CTNNA3: variants seen among roughly 807,000 people sequenced by gnomAD.
CTNNA3 encodes the protein catenin alpha-3.
Under a neutral mutation model 95.7 loss-of-function variants are expected in CTNNA3, and 76 were observed. The ratio of observed to expected loss-of-function variants is 0.79; its 90% CI spans 0.66 to 0.96. The LOEUF is 0.96. Among genes scored for constraint, CTNNA3 ranks in the 40% least tolerant of loss-of-function variants. The pLI is 0.00. For missense variants in CTNNA3, 1,191 were observed against 1,089.8 expected, an observed-to-expected ratio of 1.09 and a Z score of -1.31; for synonymous variants, 431 against 374.4, an observed-to-expected ratio of 1.15 and a Z score of -1.74.
chr10:66,960,421 C>A (rs1849048614), intron 7 of CTNNA3, among the ~76,000 whole-genome samples: 1 of 152,098 alleles, frequency 6.6e-6, no homozygotes, highest in Non-Finnish European at 1.5e-5. Context: ...TTGAATTTTT[C>A]AATTTGCCTC....
chr10:67,096,472 T>C (rs1858001195), intron 7 of CTNNA3, among the ~76,000 whole-genome samples: 1 of 151,922 alleles, frequency 6.6e-6, no homozygotes, highest in Admixed American at 6.6e-5. Context: ...CAAACAAATA[T>C]ACATTCTATC....
intron 15 of CTNNA3, among the ~76,000 whole-genome samples, chr10:66,009,802 G>C (rs192929090): frequency 6.6e-6 from 1 of 152,300 alleles, no homozygotes; most frequent in Admixed American, 6.5e-5. Context: ...CATGGTCCAT[G>C]GCTGACTCAT....
chr10:66,967,603 G>A (rs1223963947), intron 7 of CTNNA3, among the ~76,000 whole-genome samples: 1 of 151,916 alleles, frequency 6.6e-6, no homozygotes, highest in Non-Finnish European at 1.5e-5. Context: ...GCGGGACTAT[G>A]TAAAACAGTC....
At chr10:67,544,006 T>C (rs544986387) in intron 3 of CTNNA3, among the ~76,000 whole-genome samples, 3 of 152,100 alleles carry the variant, frequency 2.0e-5, no homozygotes, top group African/African-American at 7.2e-5. Context: ...GGAGCAAACA[T>C]GTTTTGTATG....
chr10:66,380,384 A>G (rs2092828004), intron 11 of CTNNA3, among the ~76,000 whole-genome samples: 1 of 152,074 alleles, frequency 6.6e-6, no homozygotes, highest in South Asian at 2.1e-4. Flanking sequence ...CCTAGGAAGG[A>G]GGATGACTTG....
chr10:67,755,032 T>C (rs1235632517), intron 1 of CTNNA3, among the ~76,000 whole-genome samples: 1 of 151,904 alleles, frequency 6.6e-6, no homozygotes, highest in Non-Finnish European at 1.5e-5. Context: ...ACCTTATCTC[T>C]ACAAAACAAA....
At chr10:67,037,001 C>T (rs890020816) in intron 7 of CTNNA3, among the ~76,000 whole-genome samples, 5 of 152,058 alleles carry the variant, frequency 3.3e-5, no homozygotes, top group Admixed American at 6.6e-5. Context: ...GAGATGCAGG[C>T]GATCTAGTCA....
At chr10:67,356,994 T>C (rs1343736307) in intron 5 of CTNNA3, among the ~76,000 whole-genome samples, 1 of 152,114 alleles carries the variant, frequency 6.6e-6, no homozygotes, top group Non-Finnish European at 1.5e-5. Context: ...CTGCAGTCAA[T>C]TCATTCTCCT....
At chr10:66,935,968 A>G (rs1187967972) in intron 7 of CTNNA3, among the ~76,000 whole-genome samples, 1 of 152,100 alleles carries the variant, frequency 6.6e-6, no homozygotes, top group African/African-American at 2.4e-5. Flanking sequence ...ATAATTTCCG[A>G]TGATTTACCA....
intron 10 of CTNNA3, among the ~76,000 whole-genome samples, chr10:66,566,574 T>C (rs188541795): frequency 7.2e-6 from 1 of 139,576 alleles, no homozygotes; most frequent in Admixed American, 7.0e-5. Context: ...GAAAATGTTT[T>C]TGACTAGTTG....
At chr10:66,363,590 C>A (rs141168580) in intron 12 of CTNNA3, among the ~76,000 whole-genome samples, 2 of 152,076 alleles carry the variant, frequency 1.3e-5, no homozygotes, top group African/African-American at 4.8e-5. Flanking sequence ...TTTGTTATAG[C>A]AGCCCAAACT....
chr10:67,051,303 G>A (rs1855074504), intron 7 of CTNNA3, among the ~76,000 whole-genome samples: 2 of 152,050 alleles, frequency 1.3e-5, no homozygotes, highest in African/African-American at 4.8e-5. Context: ...AACCTTAAAT[G>A]TCTTCACAAT....
In CTNNA3 at chr10:67,219,689, T is replaced by C. The variant is rs1185577098; in HGVS notation, c.761A>G (p.Asn254Ser). The C allele has an allele frequency of 6.2e-7, 1 of 1,614,156 alleles. No individual in the cohort carries two copies. The highest frequency in any genetic ancestry group is 2.2e-5 in the East Asian group (1 of 44,870). ...CATATTCTGGATCCCTTGTGAAGCA[T>C]TTGAAATTACATTGAGAGCATTCTG... ...EIQNALNVIS[N>S]ASQGIQNMTT... Residue 254 changes from asparagine (N) to serine (S), a missense_variant, in exon 6 of 18, where the codon AAT becomes AGT. Asn to Ser is a conservative substitution (Grantham distance 46). Transcript: ENST00000433211.
chr10:67,161,474 T>C (rs1028875513), intron 7 of CTNNA3, among the ~76,000 whole-genome samples: 1 of 151,860 alleles, frequency 6.6e-6, no homozygotes, highest in African/African-American at 2.4e-5. Flanking sequence ...TAAATTATGA[T>C]AATTATGTGT....
At chr10:66,154,917 A>G (rs1431136476) in intron 13 of CTNNA3, among the ~76,000 whole-genome samples, 1 of 151,364 alleles carries the variant, frequency 6.6e-6, no homozygotes, top group Non-Finnish European at 1.5e-5. Flanking sequence ...TTTGACAAAG[A>G]GTTGACAAAC....
chr10:67,395,889 A>G (rs545798469), intron 5 of CTNNA3, among the ~76,000 whole-genome samples: 1 of 152,302 alleles, frequency 6.6e-6, no homozygotes, highest in African/African-American at 2.4e-5. Context: ...AATTAGTTTA[A>G]TGGCAAAGCC....
chr10:66,740,386 A>C (rs1020048668), intron 9 of CTNNA3, among the ~76,000 whole-genome samples: 1 of 152,180 alleles, frequency 6.6e-6, no homozygotes, highest in Non-Finnish European at 1.5e-5. Flanking sequence ...TAGGTTTAGA[A>C]GATTTTATGT....
chr10:66,479,870 A>G (rs1384083156), intron 11 of CTNNA3, among the ~76,000 whole-genome samples: 1 of 151,956 alleles, frequency 6.6e-6, no homozygotes, highest in East Asian at 1.9e-4. Context: ...ACTTATATCA[A>G]TCGAACATCT....
At chr10:67,158,891 G>A (rs1412450445) in intron 7 of CTNNA3, among the ~76,000 whole-genome samples, 2 of 151,484 alleles carry the variant, frequency 1.3e-5, no homozygotes, top group Admixed American at 6.6e-5. Flanking sequence ...ATAAAAAAGT[G>A]AGAGCCTCAA....
Sources: gnomAD v4.1 joint callset for allele counts (sites outside exome capture counted in the v4.1 genomes callset) on GRCh38, gnomAD v4.1.1 for gene constraint, MANE v1.5 for transcripts, NCBI Gene and HGNC (gene_info 2026-07-23, HGNC 2026-07-21) for gene names.